The following CCL3 variants were observed in gnomAD, a reference collection of about 807,000 sequenced individuals.
The protein encoded by CCL3 is C-C motif chemokine 3.
A neutral mutation model predicts 8.1 loss-of-function variants in CCL3; 6 were observed. The observed-to-expected ratio is 0.74, with a 90% CI of 0.41 to 1.46. The LOEUF (loss-of-function observed/expected upper bound fraction) is 1.46. Among genes scored for constraint, CCL3 ranks in the 40% most tolerant of loss-of-function variants. The probability of loss-of-function intolerance (pLI) is 0.02; values close to 1 mark genes in which losing one functional copy is unlikely to be tolerated. For missense variants in CCL3, 109 were observed against 117.7 expected (o/e 0.93, Z 0.34); for synonymous variants, 45 against 45.1 (o/e 1.00, Z 0.01).
chr17:36,088,423 G>A lies in CCL3; in HGVS notation c.*249C>T, dbSNP rs374202480. ...CAGACGCGGTGTGAGGGAAGGGGGAGGGGACAGGGGAACTCTCAGAGCAAA... is the reference window on the plus strand; with the variant it reads ...CAGACGCGGTGTGAGGGAAGGGGGAAGGGACAGGGGAACTCTCAGAGCAAA... On this transcript the variant is annotated 3_prime_UTR_variant, in exon 3 of 3. Transcript: ENST00000613922. 170 of 522,152 alleles carry A rather than the reference G, an allele frequency of 3.3e-4. 3 individuals are homozygous for A. The highest frequency in any genetic ancestry group is 1.7e-3 in the South Asian group (69 of 41,416). 32.3% of individuals were successfully genotyped at this position (522,152 alleles called of 1,614,324 possible).
chr17:36,088,702 T>C lies in CCL3; in HGVS notation c.249A>G (p.Lys83=), dbSNP rs2067009781. Reference sequence around the variant, plus strand: ...CACTCAGCTCCAGGTCGCTGACATATTTCTGGACCCACTCCTCACTGGGGT... The same window carrying C: ...CACTCAGCTCCAGGTCGCTGACATACTTCTGGACCCACTCCTCACTGGGGT... The part of the protein sequence containing the change: ...CADPSEEWVQ[K]YVSDLELSA The change falls in exon 3 of 3, where the codon AAA becomes AAG. Residue 83 remains lysine (K), a synonymous_variant. Transcript: ENST00000613922. The C allele has an allele frequency of 6.2e-7, 1 of 1,613,690 alleles. No individual in the cohort carries two copies. The highest frequency in any genetic ancestry group is 1.7e-5 in the Admixed American group (1 of 60,012).
chr17:36,090,091 G>C lies in CCL3; in HGVS notation c.-33C>G. ...AGCAGGTGACGGAATGTGGGCTCGA[G>C]TGTCAGCAGAGCCAAGAAAGGACTG... is the stretch of plus-strand genomic sequence containing the variant. On this transcript the variant is annotated 5_prime_UTR_variant, in exon 1 of 3. Coordinates refer to ENST00000613922, the MANE Select transcript of CCL3 (RefSeq NM_002983.3). 6.3e-7 allele frequency: 1 copy of C among 1,597,734 alleles called. No homozygotes were observed.
At chr17:36,089,334 C>G in intron 1 of CCL3, 37 bp from the exon 2 acceptor site, 2 of 1,613,914 alleles carry the variant, frequency 1.2e-6, no homozygotes, top group Non-Finnish European at 1.7e-6. Flanking sequence ...CGAGTCACAG[C>G]TCAGAAGAAA....
Position 36,088,593 on chromosome 17 carries a change from G to T in CCL3, c.*79C>A. The T allele has an allele frequency of 6.7e-7, 1 of 1,502,002 alleles. No individual in the cohort carries two copies. The highest frequency in any genetic ancestry group is 2.3e-5 in the East Asian group (1 of 44,376). 93.0% of individuals were successfully genotyped at this position (1,502,002 alleles called of 1,614,324 possible). A position where few individuals can be genotyped will look rare whatever the true frequency, so the allele number is the denominator to read the frequency against. On this transcript the variant is annotated 3_prime_UTR_variant, in exon 3 of 3. Transcript: ENST00000613922. ...GAAGAGGTAGCTGTGGAGGTCACAC[G>T]CATGTTCCCAAGGCTCAGGCTCCTG...
chr17:36,088,856 C>A, intron 2 of CCL3, 94 bp from the exon 3 acceptor site: 1 of 1,526,320 alleles, frequency 6.6e-7, no homozygotes, highest in East Asian at 2.2e-5. Flanking sequence ...CTGTCCTGGG[C>A]AGCTCAGGGC....
At chr17:36,089,566 C>G (rs188769865) in intron 1 of CCL3, 132 of 607,160 alleles carry the variant, frequency 2.2e-4, no homozygotes, top group African/African-American at 1.8e-3. Context: ...GGAATTTTGT[C>G]TGGTTCAAGA....
Position 36,090,134 on chromosome 17 carries a change from G to T in CCL3, c.-76C>A. 7.2e-7 allele frequency: 1 copy of T among 1,388,090 alleles called. No individual in the cohort carries two copies. Among genetic ancestry groups the T allele is most frequent in the Non-Finnish European group, 1.0e-6 (1 of 993,758 alleles). 86.0% of individuals were successfully genotyped at this position (1,388,090 alleles called of 1,614,324 possible). A position where few individuals can be genotyped will look rare whatever the true frequency, so the allele number is the denominator to read the frequency against. On this transcript the variant is annotated 5_prime_UTR_variant, in exon 1 of 3. Coordinates refer to ENST00000613922, the MANE Select transcript of CCL3 (RefSeq NM_002983.3). ...AAGGACTGACCACTGTCTGCTGCCC[G>T]TGTCCTTCTGAAGTCTGAAACCAGC...
rs1304501891 is a variant in CCL3, at chr17:36,089,801, G to A, written c.73+185C>T. On this transcript the variant is annotated intron_variant, in intron 1 of 2. Coordinates refer to ENST00000613922, the MANE Select transcript of CCL3 (RefSeq NM_002983.3). ...GCCCCTGCCTAGATTCTCATACCTG[G>A]AGACTAGGGGGCTAAGACCCCTTCT... The A allele has an allele frequency of 4.1e-6, 3 of 731,330 alleles. No individual in the cohort carries two copies. In the Admixed American group the frequency reaches 6.0e-5, roughly 15 times the overall value. The allele number at this position is 731,330 out of a possible 1,614,324, so 45.3% of individuals were successfully genotyped here. A position where few individuals can be genotyped will look rare whatever the true frequency, so the allele number is the denominator to read the frequency against.
At position 36,089,263 on chromosome 17, in the gene CCL3, G is replaced by C. The variant is rs2067019648; in HGVS notation, c.108C>G (p.Ser36Arg). Residue 36 changes from serine (S) to arginine (R), a missense_variant, in exon 2 of 3, where the codon AGC becomes AGG. Ser to Arg is a moderately radical substitution (Grantham distance 110). Transcript: ENST00000613922. Reference sequence around the variant, plus strand: ...TCTGTGGAATCTGCCGGGAGGTGTAGCTGAAGCAGCAGGCGGTCGGCGTGT... The same window carrying C: ...TCTGTGGAATCTGCCGGGAGGTGTACCTGAAGCAGCAGGCGGTCGGCGTGT... ...AADTPTACCF[S>R]YTSRQIPQNF... 2 of 1,613,962 alleles carry C rather than the reference G, an allele frequency of 1.2e-6. No individual in the cohort carries two copies. The highest frequency in any genetic ancestry group is 1.3e-5 in the African/African-American group (1 of 74,894).
At chr17:36,088,811 A>C (rs776848484) in intron 2 of CCL3, 49 bp from the exon 3 acceptor site, 2 of 1,608,138 alleles carry the variant, frequency 1.2e-6, no homozygotes, top group Non-Finnish European at 1.7e-6. Context: ...CAGCAGGGGA[A>C]TCCTGGGCCC....
chr17:36,089,398 C>T lies in CCL3; in HGVS notation c.74-101G>A, dbSNP rs1177392307. 3.4e-6 allele frequency: 5 copies of T among 1,454,726 alleles called. No individual in the cohort carries two copies. The East Asian group carries it at 6.8e-5, about 20-fold the overall frequency. 90.1% of individuals were successfully genotyped at this position (1,454,726 alleles called of 1,614,324 possible). Reference sequence around the variant, plus strand: ...GTTGAGGAAGGCAGGCTTGCTCAGACCAAGTGACTGGAAGGCATTTGGGCA... The same window carrying T: ...GTTGAGGAAGGCAGGCTTGCTCAGATCAAGTGACTGGAAGGCATTTGGGCA... On this transcript the variant is annotated intron_variant, in intron 1 of 2. Coordinates refer to ENST00000613922, the MANE Select transcript of CCL3 (RefSeq NM_002983.3).
At chr17:36,088,884 GC>G (rs1454699858) in intron 2 of CCL3, 122 bp from the exon 3 acceptor site, 2 of 1,341,608 alleles carry the variant, frequency 1.5e-6, no homozygotes, top group Non-Finnish European at 2.1e-6. Flanking sequence ...TCTTTCAGGG[GC>G]CCCCTGCCTA....
intron 1 of CCL3, chr17:36,089,675 C>T: frequency 1.5e-6 from 1 of 663,176 alleles, no homozygotes; most frequent in Admixed American, 2.1e-5. Flanking sequence ...GAGTGAACAA[C>T]ATACCCCACT....
At position 36,088,412 on chromosome 17, in the gene CCL3, G is replaced by T; in HGVS notation, c.*260C>A. 2.0e-6 allele frequency: 1 copy of T among 506,516 alleles called. No homozygotes were observed. Among genetic ancestry groups the T allele is most frequent in the Non-Finnish European group, 3.5e-6 (1 of 283,402 alleles). The allele number at this position is 506,516 out of a possible 1,614,324, so 31.4% of individuals were successfully genotyped here. A position where few individuals can be genotyped will look rare whatever the true frequency, so the allele number is the denominator to read the frequency against. Reference sequence around the variant, plus strand: ...TCGGTTGTCACCAGACGCGGTGTGAGGGAAGGGGGAGGGGACAGGGGAACT... The same window carrying T: ...TCGGTTGTCACCAGACGCGGTGTGATGGAAGGGGGAGGGGACAGGGGAACT... On this transcript the variant is annotated 3_prime_UTR_variant, in exon 3 of 3. Coordinates refer to ENST00000613922, the MANE Select transcript of CCL3 (RefSeq NM_002983.3).
rs775227010 is a variant in CCL3 at position 36,089,990 on chromosome 17, T to A, written c.69A>T (p.Ala23=). ...CTMALCNQFS[A]SLAADTPTAC... ...CACAACGAAACTCAGACTCACGTGA[T>A]GCAGAGAACTGGTTGCAGAGAGCCA... The change falls in exon 1 of 3, where the codon GCA becomes GCT. Residue 23 remains alanine, a synonymous_variant. Transcript: ENST00000613922. 7.4e-6 allele frequency: 12 copies of A among 1,613,800 alleles called. No homozygotes were observed. In the Admixed American group the frequency reaches 2.0e-4, roughly 27 times the overall value.
chr17:36,089,994 G>T lies in CCL3; in HGVS notation c.65C>A (p.Ser22Tyr). ...LCTMALCNQF[S>Y]ASLAADTPTA... Reference sequence around the variant, plus strand: ...ACGAAACTCAGACTCACGTGATGCAGAGAACTGGTTGCAGAGAGCCATGGT... The same window carrying T: ...ACGAAACTCAGACTCACGTGATGCATAGAACTGGTTGCAGAGAGCCATGGT... Residue 22 changes from serine (S) to tyrosine (Y), a missense_variant, in exon 1 of 3, where the codon TCT becomes TAT. Ser to Tyr is a moderately radical substitution (Grantham distance 144). Transcript: ENST00000613922. 1 of 1,613,986 alleles carries T rather than the reference G, an allele frequency of 6.2e-7. No individual in the cohort carries two copies.
chr17:36,089,365 C>T (rs2067021368), intron 1 of CCL3, 68 bp from the exon 2 acceptor site: 1 of 1,605,448 alleles, frequency 6.2e-7, no homozygotes, highest in Admixed American at 1.7e-5. Context: ...GCTTCTGATC[C>T]CCGAGCAGTT....
At chr17:36,089,406 C>A (rs1478245175) in intron 1 of CCL3, 109 bp from the exon 2 acceptor site, 3 of 1,383,634 alleles carry the variant, frequency 2.2e-6, no homozygotes, top group Admixed American at 1.7e-5. Context: ...GACCAAGTGA[C>A]TGGAAGGCAT....
At chr17:36,089,877 C>A in intron 1 of CCL3, 109 bp downstream of exon 1, 1 of 1,067,874 alleles carries the variant, frequency 9.4e-7, no homozygotes, top group Non-Finnish European at 1.4e-6. Context: ...TTTGGCAGCC[C>A]TTTAAGAAGT....
Sources: allele counts gnomAD v4.1 joint callset, GRCh38; gene constraint gnomAD v4.1.1; transcripts MANE v1.5; gene names NCBI Gene and HGNC (gene_info 2026-07-23, HGNC 2026-07-21).